PLXDC2: variants seen among roughly 807,000 people sequenced by gnomAD.
The protein encoded by PLXDC2 is plexin domain-containing protein 2.
Under a neutral mutation model 68.9 loss-of-function variants are expected in PLXDC2, and 40 were observed. The observed-to-expected ratio is 0.58, with a 90% CI of 0.45 to 0.76. PLXDC2 has a LOEUF of 0.76. Ranked by LOEUF, PLXDC2 falls within the 30% of genes least tolerant of loss-of-function variation. The probability of loss-of-function intolerance (pLI) is 0.00; values close to 1 mark genes in which losing one functional copy is unlikely to be tolerated. For synonymous variants in PLXDC2, 243 were observed against 234.2 expected, an observed-to-expected ratio of 1.04 and a Z score of -0.34; for missense variants, 644 against 661.9, an observed-to-expected ratio of 0.97 and a Z score of 0.30.
intron 1 of PLXDC2, among the ~76,000 whole-genome samples, chr10:19,979,253 C>T (rs907388240): frequency 1.8e-4 from 28 of 152,172 alleles, no homozygotes; most frequent in African/African-American, 6.3e-4. Context: ...GTGATACTAA[C>T]TTTGTGCCTC....
chr10:20,235,882 C>T (rs1482771128), intron 12 of PLXDC2, among the ~76,000 whole-genome samples: 1 of 152,132 alleles, frequency 6.6e-6, no homozygotes, highest in Non-Finnish European at 1.5e-5. Context: ...TCTGTACCTC[C>T]AAACCTTGAA....
At chr10:20,046,802 A>AT (rs112463097) in intron 2 of PLXDC2, 67 bp from the exon 3 acceptor site, 107 of 1,460,198 alleles carry the variant, frequency 7.3e-5, no homozygotes, top group African/African-American at 4.1e-4. Flanking sequence ...GTTCAATAGG[A>AT]TTTTTTTTAA....
At chr10:20,014,398 C>G (rs752397000) in intron 2 of PLXDC2, among the ~76,000 whole-genome samples, 52 of 71,294 alleles carry the variant, frequency 7.3e-4, no homozygotes, top group Middle Eastern at 5.8e-3. Context: ...TTCCTTCCTT[C>G]CTTCCTTCCT....
At chr10:19,980,217 T>C (rs931703236) in intron 1 of PLXDC2, among the ~76,000 whole-genome samples, 4 of 152,250 alleles carry the variant, frequency 2.6e-5, no homozygotes, top group Admixed American at 6.5e-5. Context: ...CTTAAATGAA[T>C]GGATCTTTGT....
At chr10:20,183,129 T>C (rs1260002443) in intron 9 of PLXDC2, among the ~76,000 whole-genome samples, 1 of 151,876 alleles carries the variant, frequency 6.6e-6, no homozygotes, top group Non-Finnish European at 1.5e-5. Flanking sequence ...AGAGTTTGCT[T>C]TGGGACAAGA....
chr10:20,283,161 G>A lies in PLXDC2; in HGVS notation c.*3342G>A, dbSNP rs893801740. 1.3e-5 allele frequency: 2 copies of A among 152,078 alleles called. No homozygotes were observed. The highest frequency in any genetic ancestry group is 2.9e-5 in the Non-Finnish European group (2 of 68,018). 9.4% of individuals were successfully genotyped at this position (152,078 alleles called of 1,614,324 possible). On this transcript the variant is annotated 3_prime_UTR_variant, in exon 14 of 14. Coordinates refer to ENST00000377252, the MANE Select transcript of PLXDC2 (RefSeq NM_032812.9). ...AGAAACAAGATTTGGTAGCTCTTGGGCATATCCAAGCATTTTTGATTTTAG... is the reference window on the plus strand; with the variant it reads ...AGAAACAAGATTTGGTAGCTCTTGGACATATCCAAGCATTTTTGATTTTAG...
chr10:20,141,481 A>G (rs1396589332), intron 4 of PLXDC2, among the ~76,000 whole-genome samples: 1 of 152,096 alleles, frequency 6.6e-6, no homozygotes, highest in East Asian at 1.9e-4. Flanking sequence ...AGTTTCTTCT[A>G]TTTGTACTTG....
chr10:20,046,363 A>G (rs1174337497), intron 2 of PLXDC2, among the ~76,000 whole-genome samples: 1 of 152,100 alleles, frequency 6.6e-6, no homozygotes, highest in Non-Finnish European at 1.5e-5. Context: ...TTAGAAGGAA[A>G]TATATATTGA....
intron 7 of PLXDC2, among the ~76,000 whole-genome samples, chr10:20,167,943 G>A (rs995824799): frequency 2.6e-5 from 4 of 151,982 alleles, no homozygotes; most frequent in Non-Finnish European, 4.4e-5. Flanking sequence ...TTGTTTTTCA[G>A]TTTTTGAAGA....
At chr10:20,142,126 CAATG>C (rs1834014651) in intron 4 of PLXDC2, among the ~76,000 whole-genome samples, 1 of 151,970 alleles carries the variant, frequency 6.6e-6, no homozygotes, top group South Asian at 2.1e-4. Flanking sequence ...GAATTTGAAA[CAATG>C]AAGACTGCAA....
intron 2 of PLXDC2, among the ~76,000 whole-genome samples, chr10:20,015,846 C>T (rs11011738): frequency 0.31 from 46,446 of 152,030 alleles, 7,400 homozygotes; most frequent in Non-Finnish European, 0.36. Flanking sequence ...TTGTCCACTT[C>T]GGTTTGTTCC....
chr10:20,006,151 C>A (rs541926576), intron 2 of PLXDC2, among the ~76,000 whole-genome samples: 16 of 152,014 alleles, frequency 1.1e-4, no homozygotes, highest in Non-Finnish European at 2.2e-4. Context: ...TGTACTCCAA[C>A]CTGGGCAACA....
At position 19,817,074 on chromosome 10, in the gene PLXDC2, G is replaced by C. The variant is rs1159394286; in HGVS notation, c.-6G>C. On this transcript the variant is annotated 5_prime_UTR_variant, in exon 1 of 14. Coordinates refer to ENST00000377252, the MANE Select transcript of PLXDC2 (RefSeq NM_032812.9). Reference sequence around the variant, plus strand: ...GCGGGTGGGGTAGGGAGGTGGCGGCGGCGGCATGGCGAGGTTCCCGAAGGC... The same window carrying C: ...GCGGGTGGGGTAGGGAGGTGGCGGCCGCGGCATGGCGAGGTTCCCGAAGGC... The C allele has an allele frequency of 1.3e-6, 2 of 1,544,254 alleles. No individual in the cohort carries two copies. The highest frequency in any genetic ancestry group is 1.7e-6 in the Non-Finnish European group (2 of 1,144,734).
intron 4 of PLXDC2, among the ~76,000 whole-genome samples, chr10:20,127,450 T>A (rs1833808477): frequency 6.6e-6 from 1 of 152,192 alleles, no homozygotes; most frequent in African/African-American, 2.4e-5. Flanking sequence ...GGCTGGATTT[T>A]GGGCAAGGAT....
intron 13 of PLXDC2, among the ~76,000 whole-genome samples, chr10:20,259,915 G>A (rs1269680019): frequency 2.0e-5 from 3 of 152,018 alleles, no homozygotes; most frequent in Non-Finnish European, 2.9e-5. Flanking sequence ...AGTAGGATAG[G>A]GACAACAGAG....
chr10:20,052,722 C>CAAAAAAAAAAAAAAAAAAAAAAAAA (rs59776582), intron 3 of PLXDC2, among the ~76,000 whole-genome samples: 3 of 92,786 alleles, frequency 3.2e-5, no homozygotes, highest in African/African-American at 7.7e-5. Flanking sequence ...ACAAATTATG[C>CAAAAAAAAAAAAAAAAAAAAAAAAA]AAAAAAAAAA....
At chr10:19,878,032 T>C (rs1837664873) in intron 1 of PLXDC2, among the ~76,000 whole-genome samples, 1 of 152,220 alleles carries the variant, frequency 6.6e-6, no homozygotes, top group Admixed American at 6.5e-5. Context: ...TAAAGACATT[T>C]AGACTGGGCT....
At chr10:20,272,428 A>T (rs932224817) in intron 13 of PLXDC2, among the ~76,000 whole-genome samples, 2 of 152,090 alleles carry the variant, frequency 1.3e-5, no homozygotes, top group Non-Finnish European at 2.9e-5. Flanking sequence ...GTAATTATTT[A>T]AAAAAATGAA....
chr10:20,081,501 G>A (rs1836558192), intron 4 of PLXDC2, among the ~76,000 whole-genome samples: 1 of 152,010 alleles, frequency 6.6e-6, no homozygotes, highest in African/African-American at 2.4e-5. Flanking sequence ...GTACTTAATT[G>A]GAATATCAGA....
Sources: allele counts gnomAD v4.1 joint callset (sites outside exome capture counted in the v4.1 genomes callset), GRCh38; gene constraint gnomAD v4.1.1; transcripts MANE v1.5; gene names NCBI Gene and HGNC (gene_info 2026-07-23, HGNC 2026-07-21).